The following MAP3K5 variants were observed in gnomAD, a reference collection of about 807,000 sequenced individuals.
The protein encoded by MAP3K5 is mitogen-activated protein kinase kinase kinase 5.
Under a neutral mutation model 158.7 loss-of-function variants are expected in MAP3K5, and 56 were observed. That is an observed-to-expected ratio of 0.35 (90% CI 0.28 to 0.44). The LOEUF (loss-of-function observed/expected upper bound fraction) is 0.44, where lower values mean the gene tolerates loss of function less well. MAP3K5 is among the 20% of genes least tolerant of loss of function. MAP3K5 has a pLI of 1.00. For missense variants in MAP3K5, 1,294 were observed against 1,674.8 expected, an observed-to-expected ratio of 0.77 and a Z score of 3.97; for synonymous variants, 579 against 601.7, an observed-to-expected ratio of 0.96 and a Z score of 0.55.
At chr6:136,748,553 T>C (rs1012090754) in intron 1 of MAP3K5, among the ~76,000 whole-genome samples, 7 of 152,112 alleles carry the variant, frequency 4.6e-5, no homozygotes, top group African/African-American at 1.4e-4. Flanking sequence ...TCGCAAAACA[T>C]ATGCAAAGAC....
chr6:136,615,081 G>A (rs1324085490), intron 15 of MAP3K5, among the ~76,000 whole-genome samples: 2 of 152,154 alleles, frequency 1.3e-5, no homozygotes, highest in East Asian at 3.8e-4. Flanking sequence ...TGGAAGTACT[G>A]TAAAGCTTTA....
intron 9 of MAP3K5, among the ~76,000 whole-genome samples, chr6:136,657,047 T>C (rs1205107203): frequency 6.6e-6 from 1 of 152,228 alleles, no homozygotes; most frequent in African/African-American, 2.4e-5. Context: ...GCCATACATC[T>C]AGTTAAAACT....
intron 2 of MAP3K5, among the ~76,000 whole-genome samples, chr6:136,715,660 G>A (rs1038922825): frequency 2.0e-5 from 3 of 152,234 alleles, no homozygotes; most frequent in African/African-American, 7.2e-5. Flanking sequence ...CCCCAACACT[G>A]TTGTTTTGAG....
At chr6:136,727,887 A>G (rs1782039548) in intron 1 of MAP3K5, among the ~76,000 whole-genome samples, 1 of 152,074 alleles carries the variant, frequency 6.6e-6, no homozygotes, top group Admixed American at 6.6e-5. Flanking sequence ...GGGTGAACCC[A>G]GGAGGCGCAG....
intron 18 of MAP3K5, among the ~76,000 whole-genome samples, chr6:136,607,320 G>A (rs1172552076): frequency 1.3e-5 from 2 of 152,030 alleles, no homozygotes; most frequent in Non-Finnish European, 1.5e-5. Flanking sequence ...TCGTAAATTA[G>A]ACAATTCAAG....
rs540796571 is a variant in MAP3K5 at position 136,609,779 on chromosome 6, A to T, written c.2521+1503T>A. Among the ~76,000 whole-genome samples the T allele has an allele frequency of 1.3e-5, 2 of 151,824 alleles. No homozygotes were observed. Among genetic ancestry groups the T allele is most frequent in the East Asian group, 3.9e-4 (2 of 5,170 alleles). Reference sequence around the variant, plus strand: ...CACTGTACTTCAGCCTGGGTTACAGAGCGAGAACCCATCTCAAAAGAAAAA... The same window carrying T: ...CACTGTACTTCAGCCTGGGTTACAGTGCGAGAACCCATCTCAAAAGAAAAA... On this transcript the variant is annotated intron_variant, in intron 18 of 29. Coordinates refer to ENST00000359015, the MANE Select transcript of MAP3K5 (RefSeq NM_005923.4). This position sits in a 1 kb window ranked among gnomAD's most constrained non-coding sequence, Gnocchi z 4.4.
intron 13 of MAP3K5, among the ~76,000 whole-genome samples, chr6:136,638,791 T>C (rs1027031295): frequency 6.6e-6 from 1 of 152,196 alleles, no homozygotes; most frequent in Non-Finnish European, 1.5e-5. Context: ...AGCATATCAG[T>C]CATTTATAAT....
intron 8 of MAP3K5, among the ~76,000 whole-genome samples, chr6:136,666,615 T>C (rs1409329596): frequency 1.3e-5 from 2 of 152,174 alleles, no homozygotes; most frequent in Non-Finnish European, 2.9e-5. Flanking sequence ...AACATCATTA[T>C]TATATTAAAC....
At chr6:136,644,161 G>T (rs6925393) in intron 11 of MAP3K5, among the ~76,000 whole-genome samples, 27,825 of 151,986 alleles carry the variant, frequency 0.18, 2,865 homozygotes, top group African/African-American at 0.28. Context: ...AGTAAAAATT[G>T]TGGACTGGTT....
intron 2 of MAP3K5, among the ~76,000 whole-genome samples, chr6:136,705,511 G>A (rs1343455039): frequency 6.6e-6 from 1 of 152,070 alleles, no homozygotes; most frequent in East Asian, 1.9e-4. Flanking sequence ...TCACTATGTT[G>A]CTCAGGTTGG....
chr6:136,557,615 T>G lies in MAP3K5; in HGVS notation c.*143A>C, dbSNP rs1830308371. On this transcript the variant is annotated 3_prime_UTR_variant, in exon 30 of 30. Coordinates refer to ENST00000359015, the MANE Select transcript of MAP3K5 (RefSeq NM_005923.4). ...GGAAATTTCAGTGTGTTTTGTCTGT[T>G]TTTTTTTTTTTTAACATGAGTAAAC... The G allele has an allele frequency of 7.0e-6, 3 of 429,180 alleles. No homozygotes were observed. The highest frequency in any genetic ancestry group is 4.1e-6 in the Non-Finnish European group (1 of 244,304). The allele number at this position is 429,180 out of a possible 1,614,324, so 26.6% of individuals were successfully genotyped here.
chr6:136,644,959 T>A (rs1778175491), intron 11 of MAP3K5, among the ~76,000 whole-genome samples: 2 of 152,132 alleles, frequency 1.3e-5, no homozygotes, highest in Admixed American at 6.5e-5. Context: ...TCAAAATTTA[T>A]TTTTTTCCAT....
intron 1 of MAP3K5, among the ~76,000 whole-genome samples, chr6:136,726,103 G>C (rs188303550): frequency 6.6e-6 from 1 of 152,124 alleles, no homozygotes; most frequent in African/African-American, 2.4e-5. Flanking sequence ...ACTCTATTCT[G>C]GTTTTCAACT....
chr6:136,645,968 T>C (rs1382763472), intron 11 of MAP3K5, among the ~76,000 whole-genome samples: 1 of 152,194 alleles, frequency 6.6e-6, no homozygotes, highest in Non-Finnish European at 1.5e-5. Context: ...ATTAAACTGG[T>C]TGCTTCTCTG....
At chr6:136,685,500 A>G (rs1780109402) in intron 7 of MAP3K5, among the ~76,000 whole-genome samples, 1 of 152,072 alleles carries the variant, frequency 6.6e-6, no homozygotes. Flanking sequence ...TCCTCCCTCC[A>G]CTGTGGGTCA....
intron 1 of MAP3K5, among the ~76,000 whole-genome samples, chr6:136,733,817 T>C (rs972771030): frequency 2.0e-5 from 3 of 150,770 alleles, no homozygotes; most frequent in Admixed American, 6.6e-5. Context: ...ACAAAGTCCA[T>C]AGTTTACATT....
intron 2 of MAP3K5, among the ~76,000 whole-genome samples, chr6:136,719,664 GT>G (rs1781670049): frequency 6.6e-6 from 1 of 152,162 alleles, no homozygotes; most frequent in African/African-American, 2.4e-5. Flanking sequence ...TAGTAATATG[GT>G]TAAGGATTCT....
intron 26 of MAP3K5, 150 bp downstream of exon 26, chr6:136,567,481 C>T (rs1041593434): frequency 2.6e-5 from 21 of 819,334 alleles, no homozygotes; most frequent in Admixed American, 1.8e-4. Flanking sequence ...ACAAAAGAGG[C>T]TAAACTAAAC....
rs1231311091 is a variant in MAP3K5, at chr6:136,601,988, T to C, written c.2680-9A>G. 2 of 1,609,148 alleles carry C rather than the reference T, an allele frequency of 1.2e-6. No homozygotes were observed. The highest frequency in any genetic ancestry group is 1.1e-5 in the South Asian group (1 of 90,460). ...ACTTTAAACATTCCCACCTAAGACATAAATATAAAAAGTGCAATGTGCCTT... is the reference window on the plus strand; with the variant it reads ...ACTTTAAACATTCCCACCTAAGACACAAATATAAAAAGTGCAATGTGCCTT... On this transcript the variant is annotated splice_polypyrimidine_tract_variant and intron_variant, in intron 19 of 29. Coordinates refer to ENST00000359015, the MANE Select transcript of MAP3K5 (RefSeq NM_005923.4).
Sources: allele counts gnomAD v4.1 joint callset (sites outside exome capture counted in the v4.1 genomes callset), GRCh38; gene constraint gnomAD v4.1.1; non-coding constraint Gnocchi (gnomAD v3.1); transcripts MANE v1.5; gene names NCBI Gene and HGNC (gene_info 2026-07-23, HGNC 2026-07-21).